EPHA6: variants seen among roughly 807,000 people sequenced by gnomAD.
EPHA6 encodes EPH receptor A6, also known as ephrin type-A receptor 6.
In EPHA6, 50 loss-of-function variants were observed where a neutral mutation model predicts 112.0. That is an observed-to-expected ratio of 0.45 (90% CI 0.36 to 0.56). EPHA6 has a LOEUF of 0.56. EPHA6 is among the 20% of genes least tolerant of loss of function. EPHA6 has a pLI of 0.00. For synonymous variants in EPHA6, 529 were observed against 490.7 expected, an observed-to-expected ratio of 1.08 and a Z score of -1.03; for missense variants, 1,280 against 1,417.4, an observed-to-expected ratio of 0.90 and a Z score of 1.56.
At chr3:97,310,223 A>G (rs2081492779) in intron 5 of EPHA6, among the ~76,000 whole-genome samples, 2 of 151,592 alleles carry the variant, frequency 1.3e-5, no homozygotes, top group Non-Finnish European at 3.0e-5. Context: ...CCCAACTCAA[A>G]TAAGTTTATT....
At chr3:96,861,028 G>A (rs1485605493) in intron 1 of EPHA6, among the ~76,000 whole-genome samples, 2 of 152,040 alleles carry the variant, frequency 1.3e-5, no homozygotes, top group East Asian at 3.9e-4. Flanking sequence ...CTGTAGTTTG[G>A]TGACCTTGTG....
intron 13 of EPHA6, chr3:97,612,279 C>T (rs1030824686): frequency 1.0e-5 from 3 of 294,022 alleles, no homozygotes; most frequent in African/African-American, 6.6e-5. Flanking sequence ...TCTTCAAAAA[C>T]TCATTCTTAT....
Position 97,448,503 on chromosome 3 carries a change from A to G in EPHA6, c.1732-65A>G, listed in dbSNP as rs550340555. 37 of 1,530,138 alleles carry G rather than the reference A, an allele frequency of 2.4e-5. No individual in the cohort carries two copies. The African/African-American group carries it at 4.8e-4, about 20-fold the overall frequency. 94.8% of individuals were successfully genotyped at this position (1,530,138 alleles called of 1,614,324 possible). On this transcript the variant is annotated intron_variant, in intron 6 of 17. Transcript: ENST00000389672. The stretch of plus-strand genomic sequence containing the variant: ...CATAATTTCTCAGTTAAACTTTGGA[A>G]TGTTTCTAGGAAAAGGTAGAATAAC...
Position 97,448,608 on chromosome 3 carries a change from C to T in EPHA6, c.1772C>T (p.Ala591Val). The change falls in exon 7 of 18, where the codon GCC (alanine) becomes GTC (valine). Residue 591 changes from alanine to valine, a missense_variant. Transcript: ENST00000389672. ...ACCTACTCTTCCACAAGGTCCAAAG[C>T]CCCCAGTGTCATCATCACAGGTCTT... is the stretch of plus-strand genomic sequence containing the variant. Reference protein sequence around the residue: ...QLTYSSTRSKAPSVIITGLKP... With the variant: ...QLTYSSTRSKVPSVIITGLKP... 1 of 1,613,462 alleles carries T rather than the reference C, an allele frequency of 6.2e-7. No homozygotes were observed. Among genetic ancestry groups the T allele is most frequent in the East Asian group, 2.2e-5 (1 of 44,864 alleles).
chr3:97,637,358 T>C (rs914418393), intron 13 of EPHA6, among the ~76,000 whole-genome samples: 1 of 152,200 alleles, frequency 6.6e-6, no homozygotes, highest in South Asian at 2.1e-4. Context: ...TTTCCTATAC[T>C]TGTTTCTTGT....
intron 13 of EPHA6, among the ~76,000 whole-genome samples, chr3:97,633,249 G>A (rs1050147718): frequency 8.6e-5 from 13 of 151,682 alleles, no homozygotes; most frequent in African/African-American, 3.1e-4. Context: ...TCAGTTAGAG[G>A]GTAAAATCCA....
chr3:97,340,286 A>G (rs2083242249), intron 5 of EPHA6, among the ~76,000 whole-genome samples: 1 of 152,134 alleles, frequency 6.6e-6, no homozygotes, highest in Non-Finnish European at 1.5e-5. Context: ...TGGAGGCATC[A>G]CTGCCACCAT....
intron 3 of EPHA6, among the ~76,000 whole-genome samples, chr3:97,195,062 T>C (rs2077404116): frequency 6.6e-6 from 1 of 152,020 alleles, no homozygotes. Context: ...GTTTAGTCAA[T>C]TTACATTCAA....
intron 2 of EPHA6, among the ~76,000 whole-genome samples, chr3:96,936,616 A>T (rs1448936368): frequency 1.0e-4 from 15 of 150,198 alleles, no homozygotes; most frequent in Non-Finnish European, 3.0e-5. Context: ...ATTTAATTTT[A>T]TTATTATTAT....
chr3:97,700,318 G>A (rs1308585045), intron 14 of EPHA6, among the ~76,000 whole-genome samples: 1 of 152,126 alleles, frequency 6.6e-6, no homozygotes, highest in Admixed American at 6.5e-5. Flanking sequence ...ATTCCCCCGC[G>A]CTTCCAAGTT....
chr3:97,561,476 C>G (rs2093191488), intron 11 of EPHA6, among the ~76,000 whole-genome samples: 2 of 152,028 alleles, frequency 1.3e-5, no homozygotes, highest in African/African-American at 4.8e-5. Flanking sequence ...AAGCCAAAGT[C>G]TGATGGAGAG....
At chr3:96,985,000 G>C (rs561326861) in intron 2 of EPHA6, among the ~76,000 whole-genome samples, 1 of 152,184 alleles carries the variant, frequency 6.6e-6, no homozygotes, top group Admixed American at 6.5e-5. Context: ...GCGCTTCCTG[G>C]GTGAGGCGAT....
At chr3:97,572,484 T>G (rs973356366) in intron 11 of EPHA6, among the ~76,000 whole-genome samples, 3 of 152,110 alleles carry the variant, frequency 2.0e-5, no homozygotes, top group Non-Finnish European at 1.5e-5. Context: ...TTTTTCCTGC[T>G]TTTTTGTCTT....
chr3:97,531,447 T>G (rs2092693882), intron 10 of EPHA6, among the ~76,000 whole-genome samples: 1 of 152,032 alleles, frequency 6.6e-6, no homozygotes, highest in Non-Finnish European at 1.5e-5. Flanking sequence ...ACTCCTTTTA[T>G]GCACACTGTC....
intron 14 of EPHA6, among the ~76,000 whole-genome samples, chr3:97,704,668 C>T (rs2033584144): frequency 6.6e-6 from 1 of 152,042 alleles, no homozygotes; most frequent in Non-Finnish European, 1.5e-5. Flanking sequence ...GTAAATGGTG[C>T]TTCTATAGTA....
In EPHA6 at chr3:97,752,796, A is replaced by C. The variant is rs1280213638; in HGVS notation, c.*4095A>C. Among the ~76,000 whole-genome samples, 2 of 152,014 alleles carry C rather than the reference A, an allele frequency of 1.3e-5. No homozygotes were observed. Among genetic ancestry groups the C allele is most frequent in the Non-Finnish European group, 2.9e-5 (2 of 67,950 alleles). ...AGGAAGTTTATTATTAATATTTTAAAAATTAGTATTTTAAGATCAATATCT... is the reference window on the plus strand; with the variant it reads ...AGGAAGTTTATTATTAATATTTTAACAATTAGTATTTTAAGATCAATATCT... On this transcript the variant is annotated 3_prime_UTR_variant, in exon 18 of 18. Transcript: ENST00000389672.
intron 5 of EPHA6, among the ~76,000 whole-genome samples, chr3:97,293,153 G>A (rs774759014): frequency 2.8e-5 from 4 of 140,732 alleles, no homozygotes; most frequent in Middle Eastern, 5.7e-3. Flanking sequence ...TTCCTCAGCC[G>A]GGTCATCCCA....
intron 7 of EPHA6, 56 bp downstream of exon 7, chr3:97,448,786 G>T: frequency 6.4e-7 from 1 of 1,572,424 alleles, no homozygotes; most frequent in South Asian, 1.1e-5. Context: ...ATTCCAATTT[G>T]ACCTGATATT....
intron 2 of EPHA6, among the ~76,000 whole-genome samples, chr3:96,964,024 A>C (rs529744146): frequency 1.3e-5 from 2 of 152,184 alleles, no homozygotes; most frequent in African/African-American, 2.4e-5. Flanking sequence ...ATATATTTTT[A>C]ATATTTGTGG....
Sources: gnomAD v4.1 joint callset for allele counts (sites outside exome capture counted in the v4.1 genomes callset) on GRCh38, gnomAD v4.1.1 for gene constraint, MANE v1.5 for transcripts, NCBI Gene and HGNC (gene_info 2026-07-23, HGNC 2026-07-21) for gene names.